CHD1L: variants seen among roughly 807,000 people sequenced by gnomAD.
CHD1L encodes the protein chromodomain helicase DNA binding protein 1 like, also known as ATP-dependent chromatin remodeler CHD1L.
Under a neutral mutation model 115.9 loss-of-function variants are expected in CHD1L, and 118 were observed. The ratio of observed to expected loss-of-function variants is 1.02; its 90% CI spans 0.88 to 1.19. The LOEUF is 1.19. Ranked by LOEUF, CHD1L falls within the 50% of genes most tolerant of loss-of-function variation. The probability of loss-of-function intolerance (pLI) is 0.00; values close to 1 mark genes in which losing one functional copy is unlikely to be tolerated. For synonymous variants in CHD1L, 411 were observed against 387.1 expected (o/e 1.06, Z -0.72); for missense variants, 1,179 against 1,065.3 (o/e 1.11, Z -1.49).
Position 147,272,290 on chromosome 1 carries a change from C to T in CHD1L, c.1270+9C>T. 1 of 1,576,918 alleles carries T rather than the reference C, an allele frequency of 6.3e-7. No homozygotes were observed. The highest frequency in any genetic ancestry group is 8.7e-7 in the Non-Finnish European group (1 of 1,146,036). The stretch of plus-strand genomic sequence containing the variant: ...CCTGAGTACTAGGGCAGGTAGGCTG[C>T]AAAGGCATTGATGGAAACAGACAAA... On this transcript the variant is annotated intron_variant, in intron 12 of 22. Coordinates refer to ENST00000369258, the MANE Select transcript of CHD1L (RefSeq NM_004284.6).
At chr1:147,239,873 TAG>T (rs1664715509), upstream of CHD1L, among the ~76,000 whole-genome samples, 1 of 152,124 alleles carries the variant, frequency 6.6e-6, no homozygotes, top group Non-Finnish European at 1.5e-5. Flanking sequence ...AGTCTACTGG[TAG>T]AATCTAGAGG....
chr1:147,216,319 CA>C, the CHD1L span, among the ~76,000 whole-genome samples: 1 of 152,188 alleles, frequency 6.6e-6, no homozygotes, highest in Non-Finnish European at 1.5e-5. Flanking sequence ...ATGTCTGGGA[CA>C]GAAAATATAT....
chr1:147,200,713 C>T, the CHD1L span, among the ~76,000 whole-genome samples: 82 of 151,858 alleles, frequency 5.4e-4, no homozygotes, highest in Non-Finnish European at 6.5e-4. Flanking sequence ...TCTTAATTTT[C>T]GGCCGAAATA....
chr1:147,269,559 C>T (rs1326382748), intron 10 of CHD1L, among the ~76,000 whole-genome samples: 1 of 148,548 alleles, frequency 6.7e-6, no homozygotes, highest in Non-Finnish European at 1.5e-5. Flanking sequence ...GTCCCAGCTA[C>T]TTGGGAGGCT....
chr1:147,255,049 T>C, intron 3 of CHD1L, 73 bp downstream of exon 3: 2 of 1,143,460 alleles, frequency 1.7e-6, no homozygotes, highest in South Asian at 1.7e-5. Context: ...ATGTATAAAA[T>C]ATGATAAAAC....
the CHD1L span, among the ~76,000 whole-genome samples, chr1:147,194,491 C>CATTT: frequency 6.6e-6 from 1 of 152,134 alleles, no homozygotes; most frequent in Non-Finnish European, 1.5e-5. Flanking sequence ...TTAATTGGAG[C>CATTT]ATTTAGCCCA....
chr1:147,208,960 G>GT, the CHD1L span: 1 of 1,613,804 alleles, frequency 6.2e-7, no homozygotes, highest in African/African-American at 1.3e-5. Flanking sequence ...TATAAAATGT[G>GT]TAAGTCGAGA....
At chr1:147,206,720 A>C in the CHD1L span, among the ~76,000 whole-genome samples, 1 of 152,140 alleles carries the variant, frequency 6.6e-6, no homozygotes, top group Non-Finnish European at 1.5e-5. Context: ...CAATGAGAAC[A>C]CTTGGACACA....
chr1:147,285,703 T>A (rs1553965121), intron 17 of CHD1L, among the ~76,000 whole-genome samples: 1 of 152,148 alleles, frequency 6.6e-6, no homozygotes, highest in Non-Finnish European at 1.5e-5. Context: ...CAGAATTGTT[T>A]TCTTTTTTCT....
In CHD1L at chr1:147,254,884, CATTT is replaced by C. The variant is rs1559749600; in HGVS notation, c.260_263del (p.Tyr87TrpfsTer5). 4.4e-6 allele frequency: 7 copies of C among 1,604,038 alleles called. No homozygotes were observed. Among genetic ancestry groups the C allele is most frequent in the Non-Finnish European group, 5.1e-6 (6 of 1,176,898 alleles). ...CTGTGTTCCAGACTATTGCTCTCTT[CATTT>C]ATTTGGCAGGAAGATTAAATGATGA... On this transcript the variant is annotated frameshift_variant, in exon 3 of 23. Transcript: ENST00000369258. LOFTEE classifies it high-confidence loss of function.
chr1:147,197,702 T>G, the CHD1L span, among the ~76,000 whole-genome samples: 5 of 152,130 alleles, frequency 3.3e-5, no homozygotes, highest in Admixed American at 1.3e-4. Flanking sequence ...CATGCAGAAC[T>G]GTGAGTGAAT....
the CHD1L span, chr1:147,178,175 T>C: frequency 6.2e-7 from 1 of 1,611,288 alleles, no homozygotes; most frequent in Non-Finnish European, 8.5e-7. Context: ...GCGGCCCGCC[T>C]CGCGGCTGCC....
intron 14 of CHD1L, 29 bp from the exon 15 acceptor site, chr1:147,279,997 G>T: frequency 6.2e-7 from 1 of 1,612,190 alleles, no homozygotes. Context: ...ATGAGAATTT[G>T]CTGGACTTTT....
chr1:147,255,751 T>C (rs1669894625), intron 3 of CHD1L, 62 bp from the exon 4 acceptor site: 1 of 1,162,938 alleles, frequency 8.6e-7, no homozygotes, highest in Admixed American at 2.0e-5. Context: ...ATTTTCCAGA[T>C]ATGCACATCC....
chr1:147,268,354 A>G (rs988258448), intron 9 of CHD1L, among the ~76,000 whole-genome samples: 1 of 152,170 alleles, frequency 6.6e-6, no homozygotes, highest in Non-Finnish European at 1.5e-5. Context: ...ATTTTAAGGG[A>G]ATCTCTGCCA....
chr1:147,246,972 G>T (rs1553934120), intron 1 of CHD1L, among the ~76,000 whole-genome samples: 1 of 152,070 alleles, frequency 6.6e-6, no homozygotes, highest in Non-Finnish European at 1.5e-5. Context: ...TTAAGTCCAT[G>T]ATCTACTTTG....
chr1:147,234,921 C>T, the CHD1L span, among the ~76,000 whole-genome samples: 1 of 152,308 alleles, frequency 6.6e-6, no homozygotes, highest in African/African-American at 2.4e-5. Flanking sequence ...TCATATTCCA[C>T]TGTCCAAGGC....
chr1:147,253,439 ACTAC>A lies in CHD1L; in HGVS notation c.240+710_240+713del, dbSNP rs1403934549. ...AAAGAAAATTATTTCTGTTATAAAAACTACCTACCACCCTGTAATCAAGCACTCT... is the reference window on the plus strand; with the variant it reads ...AAAGAAAATTATTTCTGTTATAAAAACTACCACCCTGTAATCAAGCACTCT... On this transcript the variant is annotated intron_variant, in intron 2 of 22. Coordinates refer to ENST00000369258, the MANE Select transcript of CHD1L (RefSeq NM_004284.6). Among the ~76,000 whole-genome samples, 7 of 152,354 alleles carry A rather than the reference ACTAC, an allele frequency of 4.6e-5. No homozygotes were observed. The East Asian group carries it at 1.2e-3, about 25-fold the overall frequency.
the CHD1L span, among the ~76,000 whole-genome samples, chr1:147,185,455 G>A: frequency 6.6e-6 from 1 of 152,112 alleles, no homozygotes; most frequent in Non-Finnish European, 1.5e-5. Flanking sequence ...GTATCACAAG[G>A]ATTAGGGAAA....
Sources: gnomAD v4.1 joint callset for allele counts (sites outside exome capture counted in the v4.1 genomes callset) on GRCh38, gnomAD v4.1.1 for gene constraint, MANE v1.5 for transcripts, NCBI Gene and HGNC (gene_info 2026-07-23, HGNC 2026-07-21) for gene names.